The following KALRN variants were observed in gnomAD, a reference collection of about 807,000 sequenced individuals.
KALRN encodes the protein kalirin.
Under a neutral mutation model 353.7 loss-of-function variants are expected in KALRN, and 70 were observed. That is an observed-to-expected ratio of 0.20 (90% CI 0.16 to 0.24). KALRN has a LOEUF of 0.24. Among genes scored for constraint, KALRN ranks in the 10% least tolerant of loss-of-function variants. KALRN has a pLI of 1.00. For synonymous variants in KALRN, 1,391 were observed against 1,434.8 expected, an observed-to-expected ratio of 0.97 and a Z score of 0.69; for missense variants, 2,791 against 3,756.7, an observed-to-expected ratio of 0.74 and a Z score of 6.72.
intron 1 of KALRN, among the ~76,000 whole-genome samples, chr3:124,185,003 A>T (rs2074044480): frequency 1.3e-5 from 2 of 151,976 alleles, no homozygotes; most frequent in South Asian, 2.1e-4. Flanking sequence ...CCATTTATGG[A>T]GGTTTGTTTG....
At chr3:124,502,620 A>G (rs2064728566) in intron 33 of KALRN, among the ~76,000 whole-genome samples, 1 of 152,196 alleles carries the variant, frequency 6.6e-6, no homozygotes, top group African/African-American at 2.4e-5. Flanking sequence ...CATCTGTGCA[A>G]TGAAGGCAGT....
rs1353417953 is a variant in KALRN, at chr3:124,680,858, GT to G, written c.7377+1342del. 1.8e-4 allele frequency among the ~76,000 whole-genome samples: 27 copies of G among 152,212 alleles called. 1 individual carries two copies. The highest frequency in any genetic ancestry group is 4.4e-5 in the Non-Finnish European group (3 of 68,030). On this transcript the variant is annotated intron_variant, in intron 51 of 59. Transcript: ENST00000682506. ...GTGGGAGAAAGTGGAGGTGGCATTT[GT>G]AGCCTAAATGTATCTTAGAGAACAA...
At chr3:124,419,364 A>G (rs1036773651) in intron 14 of KALRN, among the ~76,000 whole-genome samples, 1 of 151,142 alleles carries the variant, frequency 6.6e-6, no homozygotes, top group Non-Finnish European at 1.5e-5. Flanking sequence ...AGTTCTCACA[A>G]TATCCCTGAG....
chr3:124,674,522 C>T lies in KALRN; in HGVS notation c.7101C>T (p.Asp2367=), dbSNP rs953197853. The T allele has an allele frequency of 6.2e-7, 1 of 1,613,818 alleles. No individual in the cohort carries two copies. Among genetic ancestry groups the T allele is most frequent in the Non-Finnish European group, 8.5e-7 (1 of 1,179,964 alleles). ...GTCTGGTGTACCAGCCTGCCAGCGACCATTCCCCCGCCGCCGAGGGCTGGG... is the reference window on the plus strand; with the variant it reads ...GTCTGGTGTACCAGCCTGCCAGCGATCATTCCCCCGCCGCCGAGGGCTGGG... ...NMCLVYQPAS[D]HSPAAEGWVP... is the part of the protein sequence containing the mutation. The change falls in exon 49 of 60, where the codon GAC becomes GAT. Residue 2367 remains aspartate (D), a synonymous_variant. Transcript: ENST00000682506.
At position 124,717,651 on chromosome 3, in the gene KALRN, G is replaced by A. The variant is rs550469228; in HGVS notation, c.8415+266G>A. 2.1e-3 allele frequency among the ~76,000 whole-genome samples: 314 copies of A among 151,688 alleles called. 1 individual carries two copies. Among genetic ancestry groups the A allele is most frequent in the African/African-American group, 7.1e-3 (295 of 41,378 alleles). ...GCGGAGCTTGCAGTGAGCCGAGATCGCGCCACTGCACTGTAGCCTGGGCGA... is the reference window on the plus strand; with the variant it reads ...GCGGAGCTTGCAGTGAGCCGAGATCACGCCACTGCACTGTAGCCTGGGCGA... On this transcript the variant is annotated intron_variant, in intron 59 of 59. Coordinates refer to ENST00000682506, the MANE Select transcript of KALRN (RefSeq NM_001388419.1).
chr3:124,167,452 C>T (rs1362962396), intron 1 of KALRN, among the ~76,000 whole-genome samples: 3 of 152,214 alleles, frequency 2.0e-5, no homozygotes, highest in Non-Finnish European at 4.4e-5. Flanking sequence ...GAGAAAGATA[C>T]AGCAAACCTG....
At chr3:124,594,374 C>T (rs142718459) in intron 34 of KALRN, among the ~76,000 whole-genome samples, 14 of 152,078 alleles carry the variant, frequency 9.2e-5, no homozygotes, top group Non-Finnish European at 1.6e-4. Context: ...TACAGGCGTG[C>T]GCCACCACGC....
At chr3:124,649,031 T>C (rs972630300) in intron 37 of KALRN, among the ~76,000 whole-genome samples, 1 of 152,218 alleles carries the variant, frequency 6.6e-6, no homozygotes, top group African/African-American at 2.4e-5. Flanking sequence ...AATTCTCTCT[T>C]GAGTTTGAAG....
chr3:124,214,521 C>T (rs1333877540), intron 1 of KALRN, among the ~76,000 whole-genome samples: 3 of 152,190 alleles, frequency 2.0e-5, no homozygotes, highest in South Asian at 4.1e-4. Context: ...GGCAAGGACT[C>T]CTCTTTTCCA....
chr3:124,133,356 A>G (rs1173977056), intron 1 of KALRN, among the ~76,000 whole-genome samples: 1 of 152,214 alleles, frequency 6.6e-6, no homozygotes, highest in Non-Finnish European at 1.5e-5. Context: ...AAAACACAAC[A>G]CAAGGTTTGT....
chr3:124,277,823 C>T (rs1386680626), intron 5 of KALRN, among the ~76,000 whole-genome samples: 1 of 152,244 alleles, frequency 6.6e-6, no homozygotes, highest in Non-Finnish European at 1.5e-5. Flanking sequence ...TCTGCCTATG[C>T]AGCCCCTGCT....
At chr3:124,680,740 A>G (rs1578917040) in intron 51 of KALRN, among the ~76,000 whole-genome samples, 1 of 152,220 alleles carries the variant, frequency 6.6e-6, no homozygotes, top group Non-Finnish European at 1.5e-5. Context: ...TCGGCTGACA[A>G]TGGGAGTTCT....
At chr3:124,530,856 C>G (rs2067984461) in intron 33 of KALRN, among the ~76,000 whole-genome samples, 1 of 152,170 alleles carries the variant, frequency 6.6e-6, no homozygotes, top group Non-Finnish European at 1.5e-5. Flanking sequence ...CAATACTCAT[C>G]CCTAAGACAA....
intron 1 of KALRN, among the ~76,000 whole-genome samples, chr3:124,122,432 T>G (rs1025121420): frequency 6.6e-6 from 1 of 152,222 alleles, no homozygotes; most frequent in Non-Finnish European, 1.5e-5. Context: ...TTTACTTTAT[T>G]GCACTTCACA....
At chr3:124,367,362 G>A (rs1418412594) in intron 10 of KALRN, among the ~76,000 whole-genome samples, 3 of 36,452 alleles carry the variant, frequency 8.2e-5, no homozygotes, top group East Asian at 1.9e-3. Flanking sequence ...AGGGGCGGCC[G>A]GGCAGAGGCG....
chr3:124,651,031 C>T (rs756693872), intron 38 of KALRN, 93 bp downstream of exon 38: 48 of 1,456,240 alleles, frequency 3.3e-5, no homozygotes, highest in East Asian at 6.8e-5. Flanking sequence ...GGGTTCCCCA[C>T]GCTGTTTCCA....
intron 25 of KALRN, among the ~76,000 whole-genome samples, chr3:124,464,174 C>T (rs1017251144): frequency 6.6e-5 from 10 of 152,292 alleles, no homozygotes; most frequent in Admixed American, 3.3e-4. Flanking sequence ...AACGGTAAGT[C>T]GTGTTACCTT....
rs111238042 is a variant in KALRN at position 124,632,612 on chromosome 3, A to G, written c.5375A>G (p.Gln1792Arg). The G allele has an allele frequency of 2.2e-4, 355 of 1,614,096 alleles. 1 individual carries two copies. Among genetic ancestry groups the G allele is most frequent in the Non-Finnish European group, 2.9e-4 (341 of 1,180,048 alleles). Residue 1792 changes from glutamine (Q) to arginine (R), a missense_variant, in exon 35 of 60, where the codon CAG (glutamine) becomes CGG (arginine). By Grantham distance (43) the Gln-to-Arg change is conservative (BLOSUM62 1). Around this residue, in one of 11 missense-constraint regions of KALRN, gnomAD observed 1,065 missense variants for 1,156.4 expected, o/e 0.92. Transcript: ENST00000682506. Reference protein sequence around the residue: ...SGKADGNIKKQKKVRDGRKSF... With the variant: ...SGKADGNIKKRKKVRDGRKSF... ...AAGGCAGATGGAAACATCAAAAAGC[A>G]GAAGAAAGTTCGCGATGGTCGGAAG...
chr3:124,287,639 T>C (rs1334188189), intron 5 of KALRN, among the ~76,000 whole-genome samples: 2 of 151,038 alleles, frequency 1.3e-5, no homozygotes, highest in Non-Finnish European at 2.9e-5. Context: ...TAGGGTTAAA[T>C]ATGATACCAG....
Sources: gnomAD v4.1 joint callset for allele counts (sites outside exome capture counted in the v4.1 genomes callset) on GRCh38, gnomAD v4.1.1 for gene constraint, gnomAD v4.1.1 regional missense constraint, MANE v1.5 for transcripts, NCBI Gene and HGNC (gene_info 2026-07-23, HGNC 2026-07-21) for gene names.